Variants in ING3 observed in about 807,000 individuals in gnomAD.
The protein encoded by ING3 is inhibitor of growth protein 3.
Under a neutral mutation model 64.8 loss-of-function variants are expected in ING3, and 6 were observed. The ratio of observed to expected loss-of-function variants is 0.09; its 90% CI spans 0.05 to 0.18. The LOEUF (loss-of-function observed/expected upper bound fraction) is 0.18, where lower values mean the gene tolerates loss of function less well. Among genes scored for constraint, ING3 ranks in the 10% least tolerant of loss-of-function variants. ING3 has a pLI of 1.00. For synonymous variants in ING3, 170 were observed against 173.7 expected (o/e 0.98, Z 0.17); for missense variants, 310 against 489.7 (o/e 0.63, Z 3.46).
intron 4 of ING3, among the ~76,000 whole-genome samples, chr7:120,958,289 A>G (rs1193699176): frequency 6.6e-6 from 1 of 151,508 alleles, no homozygotes; most frequent in Non-Finnish European, 1.5e-5. Flanking sequence ...TATATCCTTA[A>G]TATAAAAAAT....
chr7:120,969,474 A>C (rs1230885744), intron 9 of ING3, among the ~76,000 whole-genome samples: 1 of 152,174 alleles, frequency 6.6e-6, no homozygotes, highest in Admixed American at 6.5e-5. Context: ...ATTCATTAAG[A>C]TAAATCATTT....
chr7:120,959,381 T>TA (rs1795898232), intron 4 of ING3, among the ~76,000 whole-genome samples: 1 of 152,224 alleles, frequency 6.6e-6, no homozygotes, highest in Non-Finnish European at 1.5e-5. Context: ...TGTTAACAAT[T>TA]ATACGTTAAT....
chr7:120,968,086 G>C lies in ING3; in HGVS notation c.709G>C (p.Ala237Pro). The change falls in exon 8 of 12, where the codon GCT becomes CCT. Residue 237 changes from alanine (A) to proline (P), a missense_variant. Physicochemically the swap from Ala to Pro is conservative, Grantham distance 27 (BLOSUM62 -1). Coordinates refer to ENST00000315870, the MANE Select transcript of ING3 (RefSeq NM_019071.3). Reference protein sequence around the residue: ...MAAAQAVQATAQMKEGRRTSS... With the variant: ...MAAAQAVQATPQMKEGRRTSS... ...AGCTGCTCAAGCAGTTCAGGCTACA[G>C]CTCAGGTAAAAAGTAAAGGGTTTAG... 5 of 1,613,332 alleles carry C rather than the reference G, an allele frequency of 3.1e-6. No homozygotes were observed. The highest frequency in any genetic ancestry group is 3.4e-6 in the Non-Finnish European group (4 of 1,179,730).
chr7:120,966,754 C>A, intron 6 of ING3, 57 bp downstream of exon 6: 1 of 1,188,408 alleles, frequency 8.4e-7, no homozygotes, highest in Non-Finnish European at 1.3e-6. Context: ...TATTATATCA[C>A]CTATATGTTC....
At chr7:120,953,516 C>T (rs1795798952) in intron 3 of ING3, 112 bp downstream of exon 3, 1 of 643,274 alleles carries the variant, frequency 1.6e-6, no homozygotes, top group East Asian at 3.0e-5. Flanking sequence ...TTATCAATGA[C>T]TCCTTAGAAT....
In ING3 at chr7:120,968,486, T is replaced by C. The variant is rs536419053; in HGVS notation, c.714+395T>C. 2.0e-5 allele frequency among the ~76,000 whole-genome samples: 3 copies of C among 152,268 alleles called. No individual in the cohort carries two copies. In the East Asian group the frequency reaches 5.8e-4, roughly 29 times the overall value. Reference sequence around the variant, plus strand: ...CTGTATAGTTTGCCTATATTCCAAATTAAGAAGCTGCCCATCCCATAGTTT... The same window carrying C: ...CTGTATAGTTTGCCTATATTCCAAACTAAGAAGCTGCCCATCCCATAGTTT... On this transcript the variant is annotated intron_variant, in intron 8 of 11. Transcript: ENST00000315870.
At chr7:120,956,112 T>A (rs1467341835) in intron 4 of ING3, 1 of 1,268,380 alleles carries the variant, frequency 7.9e-7, no homozygotes, top group Non-Finnish European at 1.2e-6. Context: ...TGTCAGTTGT[T>A]TAAGCAATAC....
chr7:120,954,836 A>G (rs1300372752), intron 3 of ING3, among the ~76,000 whole-genome samples: 1 of 152,250 alleles, frequency 6.6e-6, no homozygotes, highest in Non-Finnish European at 1.5e-5. Flanking sequence ...TGGGAGTTAT[A>G]GAACAACTGG....
chr7:120,971,040 T>C, intron 10 of ING3, 160 bp downstream of exon 10: 1 of 803,618 alleles, frequency 1.2e-6, no homozygotes. Context: ...CTGTAAATAC[T>C]GAGTATAAAG....
chr7:120,954,683 T>G (rs1795819581), intron 3 of ING3, among the ~76,000 whole-genome samples: 1 of 152,202 alleles, frequency 6.6e-6, no homozygotes, highest in Non-Finnish European at 1.5e-5. Context: ...GAGTGCACCT[T>G]AAGTATACCC....
chr7:120,953,059 T>C (rs1353949263), intron 2 of ING3, among the ~76,000 whole-genome samples: 1 of 152,162 alleles, frequency 6.6e-6, no homozygotes, highest in African/African-American at 2.4e-5. Flanking sequence ...CTATCTACTT[T>C]GGCTGTTGGA....
chr7:120,970,659 G>A, intron 9 of ING3, 29 bp from the exon 10 acceptor site: 2 of 1,609,180 alleles, frequency 1.2e-6, no homozygotes, highest in Non-Finnish European at 1.7e-6. Context: ...TGGATGGTGA[G>A]CAAATAAAAC....
At position 120,974,746 on chromosome 7, in the gene ING3, C is replaced by A; in HGVS notation, c.1159C>A (p.His387Asn). The A allele has an allele frequency of 6.2e-7, 1 of 1,612,498 alleles. No individual in the cohort carries two copies. Among genetic ancestry groups the A allele is most frequent in the South Asian group, 1.1e-5 (1 of 91,040 alleles). The change falls in exon 12 of 12, where the codon CAT (histidine) becomes AAT (asparagine). Residue 387 changes from histidine to asparagine, a missense_variant. Transcript: ENST00000315870. Reference sequence around the variant, plus strand: ...TTTCTAGTGCCCTATAGAATGGTTCCATTATGGCTGCGTTGGATTGACAGA... The same window carrying A: ...TTTCTAGTGCCCTATAGAATGGTTCAATTATGGCTGCGTTGGATTGACAGA... ...DNQDCPIEWF[H>N]YGCVGLTEAP...
chr7:120,967,107 G>T (rs1380623331), intron 6 of ING3, among the ~76,000 whole-genome samples: 3 of 152,166 alleles, frequency 2.0e-5, no homozygotes, highest in Non-Finnish European at 4.4e-5. Flanking sequence ...AATTAAGTCT[G>T]AATGGTTGGT....
At position 120,960,711 on chromosome 7, in the gene ING3, G is replaced by A. The variant is rs74687679; in HGVS notation, c.268-4031G>A. ...ATGAAGAAATTTGTTTTAGGGTTCC[G>A]GTAGAAGAAACTGACAGTTTATTTT... On this transcript the variant is annotated intron_variant, in intron 4 of 11. Transcript: ENST00000315870. 2.6e-3 allele frequency among the ~76,000 whole-genome samples: 396 copies of A among 152,170 alleles called. 1 individual carries two copies. Among genetic ancestry groups the A allele is most frequent in the African/African-American group, 9.1e-3 (378 of 41,518 alleles).
chr7:120,951,910 C>G (rs994004613), intron 2 of ING3, among the ~76,000 whole-genome samples: 1 of 152,180 alleles, frequency 6.6e-6, no homozygotes, highest in African/African-American at 2.4e-5. Flanking sequence ...TAACTTTGCT[C>G]TTTCATAGAG....
intron 11 of ING3, among the ~76,000 whole-genome samples, chr7:120,974,409 A>G (rs1245890130): frequency 6.6e-6 from 1 of 152,208 alleles, no homozygotes; most frequent in African/African-American, 2.4e-5. Context: ...TACCTTCTAC[A>G]TAGAAGATTC....
At chr7:120,962,503 A>G (rs1220246994) in intron 4 of ING3, among the ~76,000 whole-genome samples, 1 of 151,808 alleles carries the variant, frequency 6.6e-6, no homozygotes, top group East Asian at 1.9e-4. Context: ...AACTTTATCA[A>G]TAATATATTT....
At chr7:120,970,914 T>C (rs1454622459) in intron 10 of ING3, 34 bp downstream of exon 10, 2 of 1,488,104 alleles carry the variant, frequency 1.3e-6, no homozygotes, top group Admixed American at 3.4e-5. Flanking sequence ...AAGTATAATC[T>C]GAATAAACTA....
Sources: allele counts gnomAD v4.1 joint callset (sites outside exome capture counted in the v4.1 genomes callset), GRCh38; gene constraint gnomAD v4.1.1; transcripts MANE v1.5; gene names NCBI Gene and HGNC (gene_info 2026-07-23, HGNC 2026-07-21).